ACTN2: variants seen among roughly 807,000 people sequenced by gnomAD.
ACTN2 encodes the protein alpha-actinin-2.
ACTN2 carries 39 observed loss-of-function variants against 113.8 expected under a neutral mutation model. The observed-to-expected ratio is 0.34, with a 90% CI of 0.27 to 0.45. The LOEUF is 0.45. ACTN2 is among the 20% of genes least tolerant of loss of function. ACTN2 has a pLI of 1.00. For synonymous variants in ACTN2, 429 were observed against 444.1 expected (o/e 0.97, Z 0.43); for missense variants, 992 against 1,177.9 (o/e 0.84, Z 2.31).
At chr1:236,695,037 G>A (rs184763119) in intron 1 of ACTN2, among the ~76,000 whole-genome samples, 46 of 152,016 alleles carry the variant, frequency 3.0e-4, no homozygotes, top group African/African-American at 6.0e-4. Context: ...CTGCACTCCC[G>A]CTCTGGGTGA....
intron 4 of ACTN2, 116 bp from the exon 5 acceptor site, chr1:236,725,817 A>T: frequency 1.1e-6 from 1 of 880,210 alleles, no homozygotes; most frequent in Non-Finnish European, 1.9e-6. Flanking sequence ...CCGAGGCTGT[A>T]GGAAGAGACC....
At chr1:236,697,172 A>G (rs1318485603) in intron 1 of ACTN2, among the ~76,000 whole-genome samples, 2 of 152,228 alleles carry the variant, frequency 1.3e-5, no homozygotes, top group African/African-American at 4.8e-5. Context: ...ACAAAAATAC[A>G]TAAGTCAGCC....
intron 1 of ACTN2, among the ~76,000 whole-genome samples, chr1:236,689,532 A>T (rs1666004458): frequency 6.6e-6 from 1 of 151,622 alleles, no homozygotes. Context: ...TATTTTAAAA[A>T]CTTTTTTTGT....
At chr1:236,746,198 A>AT (rs1475699911) in intron 12 of ACTN2, among the ~76,000 whole-genome samples, 1 of 151,664 alleles carries the variant, frequency 6.6e-6, no homozygotes, top group Non-Finnish European at 1.5e-5. Context: ...GAAAAAAAAA[A>AT]AGAAAACGAA....
Position 236,757,554 on chromosome 1 carries a change from G to T in ACTN2, c.2223G>T (p.Gln741His). 2 of 1,614,194 alleles carry T rather than the reference G, an allele frequency of 1.2e-6. No individual in the cohort carries two copies. The highest frequency in any genetic ancestry group is 1.7e-6 in the Non-Finnish European group (2 of 1,180,038). Residue 741 changes from glutamine to histidine, a missense_variant, in exon 18 of 21, where the codon CAG becomes CAT. Physicochemically the swap from Gln to His is conservative, Grantham distance 24. Around this residue, in one of 3 missense-constraint regions of ACTN2, gnomAD observed 736 missense variants for 815.4 expected, o/e 0.90. Transcript: ENST00000366578. ...IARTINEVET[Q>H]ILTRDAKGIT... ...GAACCATCAATGAGGTGGAGACTCA[G>T]ATCCTGACGAGAGATGCGAAGGGCA...
rs929376504 is a variant in ACTN2, at chr1:236,763,113, A to G, written c.*494A>G. 5.6e-6 allele frequency: 1 copy of G among 178,344 alleles called. No individual in the cohort carries two copies. Among genetic ancestry groups the G allele is most frequent in the Non-Finnish European group, 1.2e-5 (1 of 82,776 alleles). 11.0% of individuals were successfully genotyped at this position (178,344 alleles called of 1,614,324 possible). ...ATTCTAATGTTTTATTTTCATGCTT[A>G]TCCAAAGATTACTATTGTATCTTCA... On this transcript the variant is annotated 3_prime_UTR_variant, in exon 21 of 21. Coordinates refer to ENST00000366578, the MANE Select transcript of ACTN2 (RefSeq NM_001103.4).
At chr1:236,725,636 T>TAA (rs5781923) in intron 4 of ACTN2, among the ~76,000 whole-genome samples, 1 of 151,928 alleles carries the variant, frequency 6.6e-6, no homozygotes, top group African/African-American at 2.4e-5. Flanking sequence ...CAAAAAAAAT[T>TAA]AAAAAAAGTA....
At chr1:236,719,349 AC>A (rs1658315608) in intron 3 of ACTN2, among the ~76,000 whole-genome samples, 1 of 152,200 alleles carries the variant, frequency 6.6e-6, no homozygotes. Context: ...TCTATGGGAG[AC>A]TGGGAATTTG....
intron 19 of ACTN2, among the ~76,000 whole-genome samples, chr1:236,760,002 T>G (rs1344361826): frequency 6.6e-6 from 1 of 152,164 alleles, no homozygotes; most frequent in Admixed American, 6.5e-5. Flanking sequence ...TCCCAGCACT[T>G]TGGGAGGCCG....
chr1:236,736,531 G>T (rs979486491), intron 8 of ACTN2: 1 of 1,385,762 alleles, frequency 7.2e-7, no homozygotes, highest in Admixed American at 2.0e-5. Context: ...AGAGAATTGT[G>T]TATTACCTCA....
intron 1 of ACTN2, among the ~76,000 whole-genome samples, chr1:236,711,550 G>A (rs755352562): frequency 3.3e-5 from 5 of 152,074 alleles, no homozygotes; most frequent in South Asian, 2.1e-4. Context: ...GGATTTCACC[G>A]TGTTGATCAG....
intron 1 of ACTN2, among the ~76,000 whole-genome samples, chr1:236,690,555 G>A (rs558777547): frequency 2.9e-4 from 44 of 152,276 alleles, no homozygotes; most frequent in African/African-American, 1.0e-3. Flanking sequence ...AACTCACAGG[G>A]TTTTTTGTCT....
chr1:236,753,905 C>T, intron 15 of ACTN2, 42 bp from the exon 16 acceptor site: 1 of 1,547,302 alleles, frequency 6.5e-7, no homozygotes, highest in Non-Finnish European at 8.8e-7. Flanking sequence ...CCTATGAGAC[C>T]ACAGCTGGCC....
chr1:236,750,445 A>G (rs16834347), intron 14 of ACTN2, among the ~76,000 whole-genome samples: 2,031 of 152,194 alleles, frequency 0.013, 77 homozygotes, highest in East Asian at 0.11. Flanking sequence ...AAAATCGTTT[A>G]TTTTTGGAAT....
In ACTN2 at chr1:236,757,609, G is replaced by A. The variant is rs757134452; in HGVS notation, c.2278G>A (p.Ala760Thr). The change falls in exon 18 of 21, where the codon GCC (alanine) becomes ACC (threonine). Residue 760 changes from alanine (A) to threonine (T), a missense_variant. Transcript: ENST00000366578. ...ITQEQMNEFR[A>T]SFNHFDRRKN... Reference sequence around the variant, plus strand: ...CCAGGAGCAGATGAATGAGTTCAGAGCCTCCTTCAACCACTTTGACAGGGT... The same window carrying A: ...CCAGGAGCAGATGAATGAGTTCAGAACCTCCTTCAACCACTTTGACAGGGT... 37 of 1,614,184 alleles carry A rather than the reference G, an allele frequency of 2.3e-5. 1 individual carries two copies. In the South Asian group the frequency reaches 3.8e-4, roughly 17 times the overall value.
Position 236,716,921 on chromosome 1 carries a change from G to A in ACTN2, c.127-937G>A, listed in dbSNP as rs190127658. 4.3e-4 allele frequency among the ~76,000 whole-genome samples: 59 copies of A among 138,482 alleles called. 1 individual carries two copies. The highest frequency in any genetic ancestry group is 4.1e-3 in the Admixed American group (50 of 12,080). 90.8% of individuals were successfully genotyped at this position (138,482 alleles called of 152,430 possible). The stretch of plus-strand genomic sequence containing the variant: ...ATGATCTTGGCTTGCTGCAACCTCC[G>A]CCTCCTGGTTTCAAGCTACTTCCCT... On this transcript the variant is annotated intron_variant, in intron 1 of 20. Coordinates refer to ENST00000366578, the MANE Select transcript of ACTN2 (RefSeq NM_001103.4).
At chr1:236,762,149 A>G (rs1179736995) in intron 20 of ACTN2, among the ~76,000 whole-genome samples, 5 of 152,112 alleles carry the variant, frequency 3.3e-5, no homozygotes, top group Non-Finnish European at 7.4e-5. Context: ...TAAAAGCTTC[A>G]TCTTTTCTGG....
Position 236,696,032 on chromosome 1 carries a change from C to T in ACTN2, c.126+9233C>T, listed in dbSNP as rs1306344322. ...AATATGAGATTGTTTTGGGGCCAGGCGCAGAGGCTTAAGCCTGTAATCCCA... is the reference window on the plus strand; with the variant it reads ...AATATGAGATTGTTTTGGGGCCAGGTGCAGAGGCTTAAGCCTGTAATCCCA... On this transcript the variant is annotated intron_variant, in intron 1 of 20. Coordinates refer to ENST00000366578, the MANE Select transcript of ACTN2 (RefSeq NM_001103.4). Among the ~76,000 whole-genome samples, 15 of 152,128 alleles carry T rather than the reference C, an allele frequency of 9.9e-5. No individual in the cohort carries two copies. The South Asian group carries it at 2.3e-3, about 23-fold the overall frequency.
intron 1 of ACTN2, 75 bp downstream of exon 1, chr1:236,686,874 G>A (rs1196742289): frequency 1.5e-6 from 2 of 1,295,592 alleles, no homozygotes; most frequent in South Asian, 2.5e-5. Context: ...GCGTGGCCGC[G>A]TGGCCTGGCG....
Sources: allele counts gnomAD v4.1 joint callset (sites outside exome capture counted in the v4.1 genomes callset), GRCh38; gene constraint gnomAD v4.1.1; regional missense constraint gnomAD v4.1.1; transcripts MANE v1.5; gene names NCBI Gene and HGNC (gene_info 2026-07-23, HGNC 2026-07-21).